Variants in KLHL3 observed in about 807,000 individuals in gnomAD.
KLHL3 encodes kelch-like protein 3.
A neutral mutation model predicts 70.5 loss-of-function variants in KLHL3; 19 were observed. That is an observed-to-expected ratio of 0.27 (90% CI 0.19 to 0.40). The LOEUF (loss-of-function observed/expected upper bound fraction) is 0.40, where lower values mean the gene tolerates loss of function less well. Ranked by LOEUF, KLHL3 falls within the 10% of genes least tolerant of loss-of-function variation. The pLI, the probability that KLHL3 is intolerant of heterozygous loss-of-function variation, is 1.00. For synonymous variants in KLHL3, 258 were observed against 290.3 expected, an observed-to-expected ratio of 0.89 and a Z score of 1.13; for missense variants, 512 against 771.1, an observed-to-expected ratio of 0.66 and a Z score of 3.98.
At chr5:137,649,291 T>C (rs1751139216) in intron 8 of KLHL3, among the ~76,000 whole-genome samples, 1 of 152,246 alleles carries the variant, frequency 6.6e-6, no homozygotes, top group Non-Finnish European at 1.5e-5. Flanking sequence ...GACATGGATT[T>C]TGACATTAGG....
At chr5:137,692,819 T>TACACACAC (rs3045645) in intron 4 of KLHL3, 12,022 of 168,066 alleles carry the variant, frequency 0.072, 614 homozygotes, top group Admixed American at 0.15. Context: ...AACAAAACTC[T>TACACACAC]ACACACACAC....
chr5:137,626,664 C>T (rs1750469729), intron 13 of KLHL3, among the ~76,000 whole-genome samples: 1 of 152,158 alleles, frequency 6.6e-6, no homozygotes, highest in African/African-American at 2.4e-5. Flanking sequence ...AAAATGGACA[C>T]CCTCCTGGAT....
At chr5:137,634,286 C>T in intron 11 of KLHL3, 121 bp from the exon 12 acceptor site, 1 of 1,086,700 alleles carries the variant, frequency 9.2e-7, no homozygotes, top group Non-Finnish European at 1.3e-6. Flanking sequence ...TTCCCTCTTT[C>T]TCCAGGGGAC....
In KLHL3 at chr5:137,698,318, G is replaced by C; in HGVS notation, c.332C>G (p.Ala111Gly). The C allele has an allele frequency of 6.2e-7, 1 of 1,614,172 alleles. No individual in the cohort carries two copies. Among genetic ancestry groups the C allele is most frequent in the Non-Finnish European group, 8.5e-7 (1 of 1,179,998 alleles). Residue 111 changes from alanine to glycine, a missense_variant, in exon 4 of 15, where the codon GCT becomes GGT. By Grantham distance (60) the Ala-to-Gly change is moderately conservative. Coordinates refer to ENST00000309755, the MANE Select transcript of KLHL3 (RefSeq NM_017415.3). Reference protein sequence around the residue: ...LSKLIDYIYTAEIEVTEENVQ... With the variant: ...LSKLIDYIYTGEIEVTEENVQ... ...ATTCTCTTCAGTCACCTCGATTTCA[G>C]CAGTATAGATGTAGTCAATCAGCTT...
chr5:137,636,563 G>A (rs761667337), intron 11 of KLHL3, among the ~76,000 whole-genome samples: 2 of 152,172 alleles, frequency 1.3e-5, no homozygotes, highest in Non-Finnish European at 1.5e-5. Context: ...AAAGAACACC[G>A]GCTTAGGAGT....
At chr5:137,682,826 G>A (rs10069195) in intron 5 of KLHL3, among the ~76,000 whole-genome samples, 3,231 of 152,268 alleles carry the variant, frequency 0.021, 118 homozygotes, top group African/African-American at 0.073. Context: ...TTTCCTGACT[G>A]TTCTTCAAGA....
chr5:137,723,916 T>G (rs536545351), intron 1 of KLHL3, among the ~76,000 whole-genome samples: 1 of 152,386 alleles, frequency 6.6e-6, no homozygotes, highest in Admixed American at 6.5e-5. Flanking sequence ...AGTTTTTAAG[T>G]CATAAAGTAA....
At chr5:137,711,770 G>T (rs1162627608) in intron 2 of KLHL3, among the ~76,000 whole-genome samples, 1 of 152,158 alleles carries the variant, frequency 6.6e-6, no homozygotes, top group East Asian at 1.9e-4. Flanking sequence ...GATTACAGGT[G>T]CCATCTGAAA....
chr5:137,704,778 A>T (rs1752651539), intron 3 of KLHL3, among the ~76,000 whole-genome samples: 1 of 152,206 alleles, frequency 6.6e-6, no homozygotes, highest in Admixed American at 6.5e-5. Flanking sequence ...TTTCTGCATC[A>T]AGGGTAACAT....
At chr5:137,721,016 TTA>T (rs1292077492) in intron 1 of KLHL3, 1 of 270,396 alleles carries the variant, frequency 3.7e-6, no homozygotes, top group Non-Finnish European at 5.7e-6. Flanking sequence ...CTCACAAAGC[TTA>T]GAGTTCAGTA....
rs1753159169 is a variant in KLHL3, at chr5:137,730,673, CAGAT to C, written c.14+4956_14+4959del. On this transcript the variant is annotated intron_variant, in intron 1 of 14. Transcript: ENST00000309755. ...AAAAATGTAAAACATTTTACACAGA[CAGAT>C]AGAATTAGACAAGAAGAGAGAAAGA... Among the ~76,000 whole-genome samples, 3 of 152,100 alleles carry C rather than the reference CAGAT, an allele frequency of 2.0e-5. No homozygotes were observed. The South Asian group carries it at 6.2e-4, about 31-fold the overall frequency.
chr5:137,716,997 G>T (rs2149933392), intron 2 of KLHL3, among the ~76,000 whole-genome samples: 1 of 152,284 alleles, frequency 6.6e-6, no homozygotes, highest in African/African-American at 2.4e-5. Context: ...TCCCTGCGGG[G>T]CTTAGAATTT....
At chr5:137,637,497 AAC>A in intron 10 of KLHL3, 102 bp from the exon 11 acceptor site, 2 of 962,200 alleles carry the variant, frequency 2.1e-6, no homozygotes, top group South Asian at 1.4e-5. Flanking sequence ...ATGGGCTGGA[AAC>A]CTAAATGTAT....
intron 8 of KLHL3, among the ~76,000 whole-genome samples, chr5:137,651,064 C>T (rs1751188693): frequency 6.6e-6 from 1 of 152,088 alleles, no homozygotes; most frequent in Admixed American, 6.5e-5. Context: ...CTCACTAAAG[C>T]CATGTGAAAA....
At chr5:137,684,387 T>C (rs181298945) in intron 5 of KLHL3, among the ~76,000 whole-genome samples, 3 of 152,208 alleles carry the variant, frequency 2.0e-5, no homozygotes, top group Admixed American at 1.3e-4. Context: ...AGTCAGAGAT[T>C]TATGTTTTTT....
chr5:137,647,251 T>G (rs1310490281), intron 8 of KLHL3, among the ~76,000 whole-genome samples: 1 of 152,224 alleles, frequency 6.6e-6, no homozygotes, highest in Non-Finnish European at 1.5e-5. Flanking sequence ...CTTGTTTACA[T>G]AGATGATTCT....
chr5:137,660,124 C>T (rs1238465419), intron 7 of KLHL3, among the ~76,000 whole-genome samples: 2 of 152,194 alleles, frequency 1.3e-5, no homozygotes. Flanking sequence ...TGATAAAAGG[C>T]CTTTCTGCAA....
intron 1 of KLHL3, among the ~76,000 whole-genome samples, chr5:137,735,392 C>G (rs907055408): frequency 6.6e-6 from 1 of 152,238 alleles, no homozygotes; most frequent in Non-Finnish European, 1.5e-5. Flanking sequence ...TCAGGGTGCT[C>G]CGCTGCCTAG....
In KLHL3 at chr5:137,733,152, T is replaced by C. The variant is rs146849097; in HGVS notation, c.14+2481A>G. Among the ~76,000 whole-genome samples, 237 of 152,312 alleles carry C rather than the reference T, an allele frequency of 1.6e-3. 1 individual carries two copies. Among genetic ancestry groups the C allele is most frequent in the African/African-American group, 5.5e-3 (230 of 41,560 alleles). On this transcript the variant is annotated intron_variant, in intron 1 of 14. Transcript: ENST00000309755. ...CCCTCCAGTCTCTGGAGGTTGGACA[T>C]GTGATCCTAGGCGAGTCACTCAGCT...
Sources: gnomAD v4.1 joint callset for allele counts (sites outside exome capture counted in the v4.1 genomes callset) on GRCh38, gnomAD v4.1.1 for gene constraint, MANE v1.5 for transcripts, NCBI Gene and HGNC (gene_info 2026-07-23, HGNC 2026-07-21) for gene names.